EML1: variants seen among roughly 807,000 people sequenced by gnomAD.
EML1 encodes the protein echinoderm microtubule-associated protein-like 1.
A neutral mutation model predicts 110.4 loss-of-function variants in EML1; 27 were observed. The observed-to-expected ratio is 0.24, with a 90% confidence interval of 0.18 to 0.34. EML1 has a LOEUF of 0.34. Among genes scored for constraint, EML1 ranks in the 10% least tolerant of loss-of-function variants. The pLI, the probability that EML1 is intolerant of heterozygous loss-of-function variation, is 1.00. For missense variants in EML1, 741 were observed against 1,030.9 expected (o/e 0.72, Z 3.85); for synonymous variants, 344 against 385.8 (o/e 0.89, Z 1.27).
rs750927709 is a variant in EML1, at chr14:99,939,779, C to T, written c.2323-208C>T. 6.6e-5 allele frequency among the ~76,000 whole-genome samples: 10 copies of T among 152,060 alleles called. No individual in the cohort carries two copies. Among genetic ancestry groups the T allele is most frequent in the African/African-American group, 1.2e-4 (5 of 41,390 alleles). On this transcript the variant is annotated intron_variant, in intron 21 of 21. Coordinates refer to ENST00000262233, the MANE Select transcript of EML1 (RefSeq NM_004434.3). This position sits in a 1 kb window ranked among gnomAD's most constrained non-coding sequence, Gnocchi z 4.2. ...TCTCGGCTGAGGGCGGTCATTTGCTCGTGTCTGTCCCCTACCAGGCCACGA... is the reference window on the plus strand; with the variant it reads ...TCTCGGCTGAGGGCGGTCATTTGCTTGTGTCTGTCCCCTACCAGGCCACGA...
intron 1 of EML1, among the ~76,000 whole-genome samples, chr14:99,765,607 A>T (rs1442496149): frequency 6.6e-6 from 1 of 151,796 alleles, no homozygotes; most frequent in Non-Finnish European, 1.5e-5. Flanking sequence ...CGCACTATAT[A>T]TATATATATT....
At chr14:99,831,875 C>G in intron 1 of EML1, among the ~76,000 whole-genome samples, 1 of 150,498 alleles carries the variant, frequency 6.6e-6, no homozygotes, top group Non-Finnish European at 1.5e-5. Context: ...TGCTTCCTCC[C>G]CTTAACAAAA....
chr14:99,756,283 G>C (rs1171850646), intron 1 of EML1, among the ~76,000 whole-genome samples: 1 of 152,218 alleles, frequency 6.6e-6, no homozygotes, highest in African/African-American at 2.4e-5. Flanking sequence ...GGTGGTGGGG[G>C]CAGGGTCAGG....
chr14:99,740,621 C>G (rs2057030732), intron 1 of EML1, among the ~76,000 whole-genome samples: 1 of 152,190 alleles, frequency 6.6e-6, no homozygotes, highest in African/African-American at 2.4e-5. Flanking sequence ...ATAGCAGGAA[C>G]TCTCCTGCAT....
chr14:99,742,711 G>A (rs1284262673), intron 1 of EML1, among the ~76,000 whole-genome samples: 1 of 152,094 alleles, frequency 6.6e-6, no homozygotes, highest in African/African-American at 2.4e-5. Context: ...GTGCGTGGAG[G>A]GCTGGGTAAG....
intron 17 of EML1, among the ~76,000 whole-genome samples, chr14:99,934,793 T>C (rs1160878296): frequency 6.6e-6 from 1 of 152,216 alleles, no homozygotes; most frequent in Non-Finnish European, 1.5e-5. Flanking sequence ...CTGGCCGTGT[T>C]TCCTGTCCTG....
chr14:99,928,438 T>C (rs2060307249), intron 17 of EML1, among the ~76,000 whole-genome samples: 1 of 151,988 alleles, frequency 6.6e-6, no homozygotes, highest in African/African-American at 2.4e-5. Context: ...CCTATAGCCC[T>C]TTCTCTCAGG....
chr14:99,778,005 G>A (rs1401006825), intron 1 of EML1, among the ~76,000 whole-genome samples: 1 of 152,086 alleles, frequency 6.6e-6, no homozygotes, highest in Non-Finnish European at 1.5e-5. Flanking sequence ...TGTTGCCAAG[G>A]CTGGTCTCGA....
intron 16 of EML1, among the ~76,000 whole-genome samples, chr14:99,919,958 C>G (rs548408802): frequency 6.6e-5 from 10 of 152,274 alleles, no homozygotes; most frequent in African/African-American, 2.4e-4. Flanking sequence ...TTAGAAACTG[C>G]AGCAACAGTT....
rs1411945221 is a variant in EML1 at position 99,940,062 on chromosome 14, A to G, written c.2398A>G (p.Ile800Val). ...VDFLCEDSHL[I>V]STGGKDTSIM... is the part of the protein sequence containing the mutation. ...TTTCCTCTGTGAAGACAGCCACCTC[A>G]TCTCCACGGGCGGGAAAGACACAAG... The change falls in exon 22 of 22, where the codon ATC becomes GTC. Residue 800 changes from isoleucine to valine, a missense_variant. Coordinates refer to ENST00000262233, the MANE Select transcript of EML1 (RefSeq NM_004434.3). 6.2e-7 allele frequency: 1 copy of G among 1,603,250 alleles called. No individual in the cohort carries two copies. The highest frequency in any genetic ancestry group is 1.7e-4 in the Middle Eastern group (1 of 6,018).
At position 99,939,109 on chromosome 14, in the gene EML1, T is replaced by C; in HGVS notation, c.2192-88T>C. 6.4e-7 allele frequency: 1 copy of C among 1,553,748 alleles called. No individual in the cohort carries two copies. The highest frequency in any genetic ancestry group is 2.3e-5 in the East Asian group (1 of 44,366). ...AAGCTGGACTTCAGGCAGTTTCATG[T>C]TCAGGACCGTTCAGTGGGCGCTTCC... On this transcript the variant is annotated intron_variant, in intron 20 of 21. Coordinates refer to ENST00000262233, the MANE Select transcript of EML1 (RefSeq NM_004434.3). This position sits in a 1 kb window ranked among gnomAD's most constrained non-coding sequence, Gnocchi z 4.2.
intron 16 of EML1, among the ~76,000 whole-genome samples, chr14:99,919,409 CAT>C (rs2060090231): frequency 4.4e-5 from 4 of 91,230 alleles, no homozygotes; most frequent in South Asian, 3.9e-4. Context: ...CACACACACA[CAT>C]ACGCATGCAC....
chr14:99,768,845 G>A (rs1287621290), upstream of EML1, among the ~76,000 whole-genome samples: 1 of 151,938 alleles, frequency 6.6e-6, no homozygotes, highest in Non-Finnish European at 1.5e-5. Flanking sequence ...AGCCTCCTGA[G>A]TAGCTGGGAT....
intron 1 of EML1, among the ~76,000 whole-genome samples, chr14:99,842,828 A>G (rs893848769): frequency 2.6e-5 from 4 of 152,226 alleles, no homozygotes; most frequent in Non-Finnish European, 1.5e-5. Flanking sequence ...GTTATACTAC[A>G]GAGACCAACT....
intron 8 of EML1, among the ~76,000 whole-genome samples, chr14:99,899,642 G>T (rs899791256): frequency 3.3e-5 from 5 of 151,772 alleles, no homozygotes; most frequent in Non-Finnish European, 7.4e-5. Context: ...TACTTGAAAA[G>T]AGTTAACAGA....
chr14:99,938,431 G>A (rs1389435619), intron 20 of EML1, among the ~76,000 whole-genome samples: 1 of 152,192 alleles, frequency 6.6e-6, no homozygotes, highest in African/African-American at 2.4e-5. Context: ...CAGTTTTGTG[G>A]TGTTCAGTGC....
intron 1 of EML1, among the ~76,000 whole-genome samples, chr14:99,848,859 A>C (rs547058912): frequency 1.0e-3 from 152 of 152,144 alleles, no homozygotes; most frequent in Admixed American, 2.7e-3. Flanking sequence ...GATCCTCAGA[A>C]GGCTGAGGTG....
chr14:99,930,141 T>C (rs1386702458), intron 17 of EML1, among the ~76,000 whole-genome samples: 1 of 152,190 alleles, frequency 6.6e-6, no homozygotes, highest in Non-Finnish European at 1.5e-5. Flanking sequence ...TGGGGCTATT[T>C]TGCAAATCAA....
chr14:99,785,734 G>A (rs1320154648), intron 1 of EML1, among the ~76,000 whole-genome samples: 1 of 152,192 alleles, frequency 6.6e-6, no homozygotes, highest in African/African-American at 2.4e-5. Context: ...GTTTTTCTGT[G>A]TTACCAGACC....
Sources: allele counts gnomAD v4.1 joint callset (sites outside exome capture counted in the v4.1 genomes callset), GRCh38; gene constraint gnomAD v4.1.1; non-coding constraint Gnocchi (gnomAD v3.1); transcripts MANE v1.5; gene names NCBI Gene and HGNC (gene_info 2026-07-23, HGNC 2026-07-21).